ZNF536: variants seen among roughly 807,000 people sequenced by gnomAD.
ZNF536 encodes zinc finger protein 536.
ZNF536 carries 13 observed loss-of-function variants against 84.5 expected under a neutral mutation model. The observed-to-expected ratio is 0.15, with a 90% CI of 0.10 to 0.24. The LOEUF (loss-of-function observed/expected upper bound fraction) is 0.24. ZNF536 is among the 10% of genes least tolerant of loss of function. The pLI is 1.00. For synonymous variants in ZNF536, 811 were observed against 742.5 expected (o/e 1.09, Z -1.50); for missense variants, 1,536 against 1,747.5 (o/e 0.88, Z 2.16).
At chr19:30,686,606 AC>A (rs1451919853) in intron 1 of ZNF536, among the ~76,000 whole-genome samples, 1 of 152,144 alleles carries the variant, frequency 6.6e-6, no homozygotes, top group Non-Finnish European at 1.5e-5. Flanking sequence ...TTAGTCCCTT[AC>A]CAAGATAATT....
At chr19:30,483,294 T>G (rs8113730) in intron 2 of ZNF536, among the ~76,000 whole-genome samples, 7,718 of 152,224 alleles carry the variant, frequency 0.051, 639 homozygotes, top group African/African-American at 0.18. Flanking sequence ...TCAGCTGGCC[T>G]CCCGGAAAAC....
At chr19:30,654,202 G>A (rs71335787) in intron 1 of ZNF536, among the ~76,000 whole-genome samples, 7,388 of 152,294 alleles carry the variant, frequency 0.049, 272 homozygotes, top group Non-Finnish European at 0.074. Context: ...CCCAGGCTGC[G>A]TGGGGCCCAG....
chr19:30,622,407 T>G (rs1040565513), intron 1 of ZNF536, among the ~76,000 whole-genome samples: 1 of 152,148 alleles, frequency 6.6e-6, no homozygotes, highest in African/African-American at 2.4e-5. Flanking sequence ...TGCCATCATG[T>G]CCCCCCAGGG....
At chr19:30,378,353 G>A (rs1355002420) in intron 1 of ZNF536, among the ~76,000 whole-genome samples, 1 of 152,188 alleles carries the variant, frequency 6.6e-6, no homozygotes, top group Non-Finnish European at 1.5e-5. Flanking sequence ...TAGAAATAGG[G>A]TTTTGCCATG....
intron 1 of ZNF536, among the ~76,000 whole-genome samples, chr19:30,437,216 C>G (rs1167653858): frequency 6.6e-6 from 1 of 151,872 alleles, no homozygotes; most frequent in Non-Finnish European, 1.5e-5. Context: ...TATTTAGACT[C>G]GTAGCAGCTG....
upstream of ZNF536, among the ~76,000 whole-genome samples, chr19:30,371,757 AAATT>A (rs1171488668): frequency 6.6e-6 from 1 of 151,444 alleles, no homozygotes; most frequent in African/African-American, 2.4e-5. Flanking sequence ...ATTAGAAAAT[AAATT>A]ATTTCTTTTT....
chr19:30,678,192 T>A (rs2050826651), intron 1 of ZNF536, among the ~76,000 whole-genome samples: 1 of 152,176 alleles, frequency 6.6e-6, no homozygotes, highest in Non-Finnish European at 1.5e-5. Flanking sequence ...CGGAGAAGCC[T>A]CCATGGTACC....
chr19:30,449,859 A>G (rs891463522), intron 2 of ZNF536, among the ~76,000 whole-genome samples: 1 of 152,150 alleles, frequency 6.6e-6, no homozygotes, highest in Non-Finnish European at 1.5e-5. Flanking sequence ...ACAGCATCAA[A>G]GGCCTTTATC....
chr19:30,419,075 T>C (rs1212773057), intron 1 of ZNF536, among the ~76,000 whole-genome samples: 1 of 152,240 alleles, frequency 6.6e-6, no homozygotes, highest in African/African-American at 2.4e-5. Flanking sequence ...CATTTTGTTA[T>C]TTTTTCTTTC....
chr19:30,604,965 G>A (rs578131879), intron 1 of ZNF536, among the ~76,000 whole-genome samples: 5 of 152,274 alleles, frequency 3.3e-5, no homozygotes, highest in African/African-American at 7.2e-5. Flanking sequence ...ACAAGTCCAC[G>A]TAGCTTGCAC....
chr19:30,408,361 A>G (rs1400266905), intron 1 of ZNF536, among the ~76,000 whole-genome samples: 1 of 152,166 alleles, frequency 6.6e-6, no homozygotes, highest in Non-Finnish European at 1.5e-5. Flanking sequence ...TGATTAGTGC[A>G]TGGTATCCAG....
At chr19:30,371,859 A>G (rs1227533849), upstream of ZNF536, among the ~76,000 whole-genome samples, 1 of 151,942 alleles carries the variant, frequency 6.6e-6, no homozygotes, top group African/African-American at 2.4e-5. Context: ...GAGAGAATAT[A>G]TATACATTGA....
chr19:30,380,731 G>A (rs1339505182), intron 1 of ZNF536, among the ~76,000 whole-genome samples: 1 of 152,154 alleles, frequency 6.6e-6, no homozygotes, highest in African/African-American at 2.4e-5. Flanking sequence ...GCTTCCTGAA[G>A]GAGGAGTGTG....
chr19:30,248,762 CAGTGGTTCTG>C (rs1213925428), intron 1 of ZNF536, among the ~76,000 whole-genome samples: 1 of 152,110 alleles, frequency 6.6e-6, no homozygotes, highest in African/African-American at 2.4e-5. Flanking sequence ...CCTTGGCCAG[CAGTGGTTCTG>C]AGGAATGATT....
rs187928282 is a variant in ZNF536, at chr19:30,682,647, A to G, written c.170-28110A>G. On this transcript the variant is annotated intron_variant, in intron 1 of 1. Transcript: ENST00000592773. ...GGTCCCTCCTGACGCTGCTTCCTGG[A>G]TCTGCAGAGATGGTGTCGTTGCTTT... Among the ~76,000 whole-genome samples the G allele has an allele frequency of 2.8e-4, 42 of 152,292 alleles. No homozygotes were observed. In the East Asian group the frequency reaches 6.0e-3, roughly 22 times the overall value.
intron 1 of ZNF536, among the ~76,000 whole-genome samples, chr19:30,391,512 G>T (rs10415786): frequency 0.095 from 14,519 of 152,178 alleles, 2,309 homozygotes; most frequent in African/African-American, 0.33. Context: ...GGAGGCGGAG[G>T]TTGCAGTGAG....
intron 1 of ZNF536, among the ~76,000 whole-genome samples, chr19:30,440,822 A>C (rs775959774): frequency 3.3e-5 from 5 of 152,038 alleles, no homozygotes; most frequent in African/African-American, 9.7e-5. Context: ...TCAGCTGAGG[A>C]TCTAGCAAAG....
chr19:30,645,498 A>G (rs1188966663), intron 1 of ZNF536, among the ~76,000 whole-genome samples: 2 of 152,130 alleles, frequency 1.3e-5, no homozygotes, highest in Non-Finnish European at 2.9e-5. Context: ...CTATTATAGG[A>G]CACTCCTGTT....
chr19:30,687,238 G>A (rs1374147573), intron 1 of ZNF536, among the ~76,000 whole-genome samples: 1 of 152,148 alleles, frequency 6.6e-6, no homozygotes, highest in African/African-American at 2.4e-5. Flanking sequence ...TTGCTGACTT[G>A]CAAAACAGGA....
Sources: gnomAD v4.1 joint callset for allele counts (sites outside exome capture counted in the v4.1 genomes callset) on GRCh38, gnomAD v4.1.1 for gene constraint, MANE v1.5 for transcripts, NCBI Gene and HGNC (gene_info 2026-07-23, HGNC 2026-07-21) for gene names.